Variants in DCC observed in about 807,000 individuals in gnomAD.
DCC encodes the protein netrin receptor DCC.
DCC carries 58 observed loss-of-function variants against 172.5 expected under a neutral mutation model. The ratio of observed to expected loss-of-function variants is 0.34; its 90% CI spans 0.27 to 0.42. The LOEUF is 0.42. DCC is among the 10% of genes least tolerant of loss of function. The pLI, the probability that DCC is intolerant of heterozygous loss-of-function variation, is 1.00. For synonymous variants in DCC, 709 were observed against 644.5 expected (o/e 1.10, Z -1.52); for missense variants, 1,740 against 1,791.0 (o/e 0.97, Z 0.51).
intron 25 of DCC, among the ~76,000 whole-genome samples, chr18:53,480,464 C>T (rs1349174620): frequency 2.0e-5 from 3 of 152,216 alleles, no homozygotes; most frequent in Admixed American, 6.5e-5. Context: ...ATACTTCCCT[C>T]AGGTTCAAAT....
At chr18:52,754,610 G>A (rs1368127891) in intron 2 of DCC, among the ~76,000 whole-genome samples, 2 of 152,174 alleles carry the variant, frequency 1.3e-5, no homozygotes, top group East Asian at 1.9e-4. Context: ...AGAACTTTGA[G>A]AAATCAATGT....
At chr18:53,041,905 G>A (rs754021616) in intron 5 of DCC, among the ~76,000 whole-genome samples, 5 of 151,906 alleles carry the variant, frequency 3.3e-5, no homozygotes, top group Non-Finnish European at 5.9e-5. Flanking sequence ...TAGGGGTTTT[G>A]GGGCTGAGAT....
intron 1 of DCC, among the ~76,000 whole-genome samples, chr18:52,551,312 CT>C (rs1260514493): frequency 6.6e-6 from 1 of 151,998 alleles, no homozygotes; most frequent in Non-Finnish European, 1.5e-5. Flanking sequence ...TAGAATCATA[CT>C]TCTGAAATAT....
intron 1 of DCC, among the ~76,000 whole-genome samples, chr18:52,436,910 ACT>A (rs879794133): frequency 6.6e-6 from 1 of 152,108 alleles, no homozygotes; most frequent in Non-Finnish European, 1.5e-5. Context: ...ACAGAGCAAG[ACT>A]CTGCCTCAAA....
intron 1 of DCC, among the ~76,000 whole-genome samples, chr18:52,474,226 GAGAGAGAGAGAGAGAGAA>G (rs898554590): frequency 2.2e-4 from 28 of 130,060 alleles, no homozygotes; most frequent in Middle Eastern, 4.3e-3. Context: ...GAGAGAGAGA[GAGAGAGAGAGAGAGAGAA>G]AGAGAGAGAA....
chr18:53,513,629 C>T (rs1231904617), intron 27 of DCC, among the ~76,000 whole-genome samples: 1 of 151,812 alleles, frequency 6.6e-6, no homozygotes, highest in East Asian at 1.9e-4. Flanking sequence ...ATCTACCAAG[C>T]AAATGGAAAA....
chr18:53,372,770 C>T (rs1033510409), intron 15 of DCC, among the ~76,000 whole-genome samples: 4 of 102,134 alleles, frequency 3.9e-5, no homozygotes, highest in Non-Finnish European at 2.5e-5. Flanking sequence ...CCCAATTCCA[C>T]GGCCTTCCAC....
chr18:53,317,011 C>A (rs184613675), intron 13 of DCC, among the ~76,000 whole-genome samples: 6 of 152,336 alleles, frequency 3.9e-5, no homozygotes, highest in African/African-American at 1.4e-4. Context: ...GAGAGGGCAT[C>A]CTTGTCTTGT....
At chr18:52,415,247 A>G (rs1444733719) in intron 1 of DCC, among the ~76,000 whole-genome samples, 1 of 152,234 alleles carries the variant, frequency 6.6e-6, no homozygotes, top group Admixed American at 6.5e-5. Context: ...AGCATAAGGT[A>G]ACCTTGCTGT....
At chr18:52,959,154 G>A (rs987409974) in intron 5 of DCC, among the ~76,000 whole-genome samples, 2 of 152,002 alleles carry the variant, frequency 1.3e-5, no homozygotes, top group Non-Finnish European at 2.9e-5. Context: ...GGTGAGGGAA[G>A]AAACTATAAT....
intron 1 of DCC, among the ~76,000 whole-genome samples, chr18:52,732,237 G>T (rs775556698): frequency 2.6e-5 from 4 of 152,256 alleles, no homozygotes; most frequent in Middle Eastern, 6.8e-3. Context: ...GAAAAAGGTG[G>T]TTAGAATTTA....
intron 1 of DCC, among the ~76,000 whole-genome samples, chr18:52,400,992 A>G (rs1227271969): frequency 6.6e-6 from 1 of 152,188 alleles, no homozygotes; most frequent in East Asian, 1.9e-4. Flanking sequence ...TACCTAATGT[A>G]GATGATGAGT....
At chr18:52,396,968 A>C (rs563939246) in intron 1 of DCC, among the ~76,000 whole-genome samples, 4 of 152,148 alleles carry the variant, frequency 2.6e-5, no homozygotes, top group African/African-American at 7.2e-5. Flanking sequence ...GTACTCAACA[A>C]ATGCTTTCCA....
intron 1 of DCC, among the ~76,000 whole-genome samples, chr18:52,639,169 G>A (rs1003569871): frequency 6.6e-6 from 1 of 152,066 alleles, no homozygotes. Context: ...GCGATGCTAA[G>A]AGGAAATTCC....
rs1222302015 is a variant in DCC, at chr18:52,603,879, C to T, written c.92-148175C>T. On this transcript the variant is annotated intron_variant, in intron 1 of 28. Coordinates refer to ENST00000442544, the MANE Select transcript of DCC (RefSeq NM_005215.4). Reference sequence around the variant, plus strand: ...ATAGATTGTTCTATTTTTCATTTTTCCTCTCATTTTATGTATGTTTACTAA... The same window carrying T: ...ATAGATTGTTCTATTTTTCATTTTTTCTCTCATTTTATGTATGTTTACTAA... Among the ~76,000 whole-genome samples the T allele has an allele frequency of 1.8e-4, 9 of 49,274 alleles. No homozygotes were observed. The East Asian group carries it at 2.1e-3, about 12-fold the overall frequency. The allele number at this position is 49,274 out of a possible 152,430, so 32.3% of individuals were successfully genotyped here.
At chr18:53,382,132 G>A (rs1907811300) in intron 15 of DCC, among the ~76,000 whole-genome samples, 1 of 148,970 alleles carries the variant, frequency 6.7e-6, no homozygotes, top group Non-Finnish European at 1.5e-5. Flanking sequence ...CTTGAGTGTG[G>A]AATTTCTGAT....
At chr18:52,846,647 A>ACTCT (rs1555672675) in intron 2 of DCC, among the ~76,000 whole-genome samples, 1 of 144,078 alleles carries the variant, frequency 6.9e-6, no homozygotes, top group African/African-American at 2.6e-5. Flanking sequence ...ACACACACAC[A>ACTCT]CACACTTGGG....
At chr18:52,395,809 C>A (rs1236084996) in intron 1 of DCC, among the ~76,000 whole-genome samples, 1 of 152,020 alleles carries the variant, frequency 6.6e-6, no homozygotes, top group African/African-American at 2.4e-5. Context: ...TTTCCATCTT[C>A]TACATGGATT....
At chr18:53,527,783 T>C (rs190031524) in intron 28 of DCC, among the ~76,000 whole-genome samples, 1 of 152,242 alleles carries the variant, frequency 6.6e-6, no homozygotes, top group East Asian at 1.9e-4. Context: ...TAGTACACTT[T>C]AGTTGTTTCT....
Sources: allele counts gnomAD v4.1 joint callset (sites outside exome capture counted in the v4.1 genomes callset), GRCh38; gene constraint gnomAD v4.1.1; transcripts MANE v1.5; gene names NCBI Gene and HGNC (gene_info 2026-07-23, HGNC 2026-07-21).